The following FBXO42 variants were observed in gnomAD, a reference collection of about 807,000 sequenced individuals.
FBXO42 encodes the protein F-box only protein 42.
FBXO42 carries 12 observed loss-of-function variants against 71.7 expected under a neutral mutation model. That is an observed-to-expected ratio of 0.17 (90% CI 0.11 to 0.27). FBXO42 has a LOEUF of 0.27. Ranked by LOEUF, FBXO42 falls within the 10% of genes least tolerant of loss-of-function variation. The pLI is 1.00. For synonymous variants in FBXO42, 325 were observed against 327.5 expected, an observed-to-expected ratio of 0.99 and a Z score of 0.08; for missense variants, 707 against 911.9, an observed-to-expected ratio of 0.78 and a Z score of 2.89.
intron 1 of FBXO42, among the ~76,000 whole-genome samples, chr1:16,350,757 A>AGAAAGAAAAG (rs1553156684): frequency 2.3e-5 from 1 of 44,248 alleles, no homozygotes; most frequent in Non-Finnish European, 4.1e-5. Flanking sequence ...AAAAAAAAAA[A>AGAAAGAAAAG]AAAGAAAGAA....
Position 16,250,629 on chromosome 1 carries a change from CA to C in FBXO42, c.*40del, listed in dbSNP as rs755514606. On this transcript the variant is annotated 3_prime_UTR_variant, in exon 10 of 10. Transcript: ENST00000375592. The surrounding 1 kb of genome is among the most constrained non-coding windows in gnomAD (Gnocchi z 4.7). ...CAAATGCTTACACACTGGAAAATTC[CA>C]AATTAAAAGCCACAGAAAAGGAAAG... 22 of 1,570,686 alleles carry C rather than the reference CA, an allele frequency of 1.4e-5. No individual in the cohort carries two copies. The African/African-American group carries it at 2.9e-4, about 20-fold the overall frequency.
At chr1:16,256,558 T>G in intron 5 of FBXO42, 48 bp downstream of exon 5, 1 of 1,590,548 alleles carries the variant, frequency 6.3e-7, no homozygotes, top group Non-Finnish European at 8.6e-7. Flanking sequence ...AATCCACTGA[T>G]TTAAGGCCTT....
rs902989844 is a variant in FBXO42 at position 16,248,803 on chromosome 1, G to A, written c.*1867C>T. 2.0e-5 allele frequency: 3 copies of A among 152,260 alleles called. No homozygotes were observed. Among genetic ancestry groups the A allele is most frequent in the African/African-American group, 7.2e-5 (3 of 41,466 alleles). The allele number at this position is 152,260 out of a possible 1,614,324, so 9.4% of individuals were successfully genotyped here. On this transcript the variant is annotated 3_prime_UTR_variant, in exon 10 of 10. Transcript: ENST00000375592. ...TTGGATGCCACATAAGTAGACACAT[G>A]TTGTTTCCTCATTGAAGGGAACACA...
rs1374805848 is a variant in FBXO42, at chr1:16,247,477, G to GT, written c.*3192dup. 6.6e-6 allele frequency: 1 copy of GT among 152,220 alleles called. No individual in the cohort carries two copies. The highest frequency in any genetic ancestry group is 1.5e-5 in the Non-Finnish European group (1 of 68,040). 9.4% of individuals were successfully genotyped at this position (152,220 alleles called of 1,614,324 possible). On this transcript the variant is annotated 3_prime_UTR_variant, in exon 10 of 10. Transcript: ENST00000375592. ...AGAAAGGAAAGGGAAACATCTCTTT[G>GT]TTCTCCATTGGCTGGTGGCTTTCTG...
At chr1:16,314,764 G>A (rs2082346634) in intron 2 of FBXO42, among the ~76,000 whole-genome samples, 1 of 151,894 alleles carries the variant, frequency 6.6e-6, no homozygotes, top group Admixed American at 6.6e-5. Flanking sequence ...GGCGCCTGTA[G>A]TCCCAGCTAC....
intron 4 of FBXO42, among the ~76,000 whole-genome samples, chr1:16,278,014 C>T (rs375577254): frequency 2.0e-5 from 3 of 151,062 alleles, no homozygotes; most frequent in Admixed American, 6.6e-5. Flanking sequence ...TGTACTCCAG[C>T]CTGGGTGATG....
chr1:16,285,028 C>A (rs1378640096), intron 4 of FBXO42, among the ~76,000 whole-genome samples: 1 of 151,752 alleles, frequency 6.6e-6, no homozygotes, highest in Non-Finnish European at 1.5e-5. Context: ...TGCCTGTAAT[C>A]CCAGCTACTC....
chr1:16,283,123 G>A (rs999319677), intron 4 of FBXO42, among the ~76,000 whole-genome samples: 2 of 152,132 alleles, frequency 1.3e-5, no homozygotes, highest in Non-Finnish European at 2.9e-5. Context: ...CAATTTTTAT[G>A]AACAGTAATT....
chr1:16,326,402 G>T (rs555377717), intron 1 of FBXO42, among the ~76,000 whole-genome samples: 2 of 151,446 alleles, frequency 1.3e-5, no homozygotes, highest in East Asian at 3.9e-4. Context: ...TTCTTCTTGA[G>T]GCCAGGTGCA....
At chr1:16,338,525 A>C (rs990576196) in intron 1 of FBXO42, among the ~76,000 whole-genome samples, 5 of 152,228 alleles carry the variant, frequency 3.3e-5, no homozygotes, top group African/African-American at 1.2e-4. Flanking sequence ...AATAGTAGAC[A>C]CCTACCTAAC....
rs1286504246 is a variant in FBXO42 at position 16,251,608 on chromosome 1, C to T, written c.1216G>A (p.Gly406Ser). The T allele has an allele frequency of 1.2e-6, 2 of 1,614,166 alleles. No individual in the cohort carries two copies. Among genetic ancestry groups the T allele is most frequent in the Non-Finnish European group, 1.7e-6 (2 of 1,180,030 alleles). Residue 406 changes from glycine to serine, a missense_variant, in exon 10 of 10, where the codon GGC (glycine) becomes AGC (serine). Gly to Ser is a moderately conservative substitution (Grantham distance 56). Coordinates refer to ENST00000375592, the MANE Select transcript of FBXO42 (RefSeq NM_018994.3). The surrounding 1 kb of genome is among the most constrained non-coding windows in gnomAD (Gnocchi z 4.5). ...RSMDEAPCVN[G>S]RWGTLRPRAQ... is the part of the protein sequence containing the mutation. ...CTGGGTCTCAGTGTTCCCCAGCGGC[C>T]GTTAACACAAGGAGCTTCATCCATG...
intron 5 of FBXO42, 32 bp downstream of exon 5, chr1:16,256,574 C>G: frequency 6.2e-7 from 1 of 1,601,718 alleles, no homozygotes; most frequent in Middle Eastern, 1.7e-4. Context: ...GCCTTTTCTT[C>G]CAGATTTAAA....
At chr1:16,323,392 C>T (rs1290670034) in intron 1 of FBXO42, among the ~76,000 whole-genome samples, 10 of 151,814 alleles carry the variant, frequency 6.6e-5, no homozygotes, top group Non-Finnish European at 1.5e-4. Context: ...TACTCCAGCC[C>T]AGGTGACAGT....
At chr1:16,329,543 C>T (rs1379918983) in intron 1 of FBXO42, among the ~76,000 whole-genome samples, 1 of 151,638 alleles carries the variant, frequency 6.6e-6, no homozygotes, top group African/African-American at 2.4e-5. Flanking sequence ...AAGATCGCAC[C>T]ACTGCACTCC....
chr1:16,315,559 A>G, intron 1 of FBXO42, 124 bp from the exon 2 acceptor site: 1 of 859,532 alleles, frequency 1.2e-6, no homozygotes, highest in Non-Finnish European at 1.8e-6. Flanking sequence ...GCTCTTCAGC[A>G]CTTTCCAATA....
At chr1:16,284,749 T>C (rs1024294168) in intron 4 of FBXO42, among the ~76,000 whole-genome samples, 4 of 152,052 alleles carry the variant, frequency 2.6e-5, no homozygotes, top group Admixed American at 2.0e-4. Flanking sequence ...AGGAGGATCA[T>C]CTGAGGTCGG....
intron 2 of FBXO42, among the ~76,000 whole-genome samples, chr1:16,306,791 C>G (rs1307337202): frequency 6.6e-6 from 1 of 152,154 alleles, no homozygotes; most frequent in Non-Finnish European, 1.5e-5. Flanking sequence ...CTCTGCCTCC[C>G]AGGCTCAAGC....
chr1:16,352,102 A>G (rs1056305892), intron 1 of FBXO42, among the ~76,000 whole-genome samples, 153 bp downstream of exon 1: 1 of 152,198 alleles, frequency 6.6e-6, no homozygotes, highest in Non-Finnish European at 1.5e-5. Context: ...GGACGGCGAT[A>G]GCAAGTCACC....
chr1:16,330,055 CTAACT>C (rs771986027), intron 1 of FBXO42, among the ~76,000 whole-genome samples: 4 of 152,234 alleles, frequency 2.6e-5, no homozygotes, highest in African/African-American at 4.8e-5. Context: ...CCCTACCTTC[CTAACT>C]TGTCTCCACC....
Sources: allele counts gnomAD v4.1 joint callset (sites outside exome capture counted in the v4.1 genomes callset), GRCh38; gene constraint gnomAD v4.1.1; non-coding constraint Gnocchi (gnomAD v3.1); transcripts MANE v1.5; gene names NCBI Gene and HGNC (gene_info 2026-07-23, HGNC 2026-07-21).